Variants in EXOC2 observed in about 807,000 individuals in gnomAD.
The protein encoded by EXOC2 is SEC5-like 1.
EXOC2 carries 70 observed loss-of-function variants against 131.8 expected under a neutral mutation model. The observed-to-expected ratio is 0.53, with a 90% CI of 0.44 to 0.65. The LOEUF (loss-of-function observed/expected upper bound fraction) is 0.65, where lower values mean the gene tolerates loss of function less well. Ranked by LOEUF, EXOC2 falls within the 30% of genes least tolerant of loss-of-function variation. The probability of loss-of-function intolerance (pLI) is 0.00; values close to 1 mark genes in which losing one functional copy is unlikely to be tolerated. For synonymous variants in EXOC2, 411 were observed against 398.4 expected (o/e 1.03, Z -0.38); for missense variants, 923 against 1,108.6 (o/e 0.83, Z 2.38).
At chr6:657,080 C>CCGGTTG in intron 1 of EXOC2, 1 of 726,036 alleles carries the variant, frequency 1.4e-6, no homozygotes, top group East Asian at 3.1e-5. Flanking sequence ...ACTCGGGTTC[C>CCGGTTG]CGGTTGCGGT....
chr6:660,720 G>A (rs189270613), intron 1 of EXOC2, among the ~76,000 whole-genome samples: 6 of 152,066 alleles, frequency 3.9e-5, no homozygotes, highest in South Asian at 2.1e-4. Flanking sequence ...AACCAACCCC[G>A]GTAATATGAC....
At chr6:487,740 AG>A (rs1763161040) in intron 27 of EXOC2, among the ~76,000 whole-genome samples, 1 of 151,986 alleles carries the variant, frequency 6.6e-6, no homozygotes, top group African/African-American at 2.4e-5. Flanking sequence ...GAAGGATCTT[AG>A]AGTTTTCCTG....
intron 26 of EXOC2, among the ~76,000 whole-genome samples, chr6:489,687 G>C (rs928816538): frequency 2.0e-5 from 3 of 152,214 alleles, no homozygotes; most frequent in Admixed American, 1.3e-4. Flanking sequence ...GGAGACTGTG[G>C]TAATTAACTT....
intron 23 of EXOC2, among the ~76,000 whole-genome samples, chr6:503,723 C>T (rs1764360929): frequency 6.6e-6 from 1 of 152,114 alleles, no homozygotes; most frequent in South Asian, 2.1e-4. Context: ...GGCCTAGAGA[C>T]CAGATAGTGT....
intron 10 of EXOC2, among the ~76,000 whole-genome samples, chr6:595,204 G>C (rs1437933965): frequency 1.3e-5 from 2 of 152,022 alleles, no homozygotes; most frequent in African/African-American, 4.8e-5. Flanking sequence ...ATTGTGAACA[G>C]TAAGACAATA....
intron 11 of EXOC2, among the ~76,000 whole-genome samples, chr6:586,507 C>T (rs1411254945): frequency 1.3e-5 from 2 of 152,170 alleles, no homozygotes; most frequent in African/African-American, 4.8e-5. Flanking sequence ...TAATAGAATT[C>T]ACCTATGTAT....
intron 24 of EXOC2, 98 bp downstream of exon 24, chr6:499,547 G>A (rs938152699): frequency 8.8e-6 from 9 of 1,027,742 alleles, no homozygotes; most frequent in Non-Finnish European, 1.3e-5. Flanking sequence ...CATTCTGAGG[G>A]AAAAAAAAGA....
intron 13 of EXOC2, 32 bp from the exon 14 acceptor site, chr6:564,961 T>C: frequency 6.6e-7 from 1 of 1,517,554 alleles, no homozygotes. Flanking sequence ...ATAAAACATA[T>C]TAGAAATAAT....
intron 11 of EXOC2, among the ~76,000 whole-genome samples, chr6:586,816 A>G (rs1759235308): frequency 6.6e-6 from 1 of 152,078 alleles, no homozygotes; most frequent in Non-Finnish European, 1.5e-5. Flanking sequence ...CAGGATACGG[A>G]GGACGTGTCT....
At chr6:646,967 T>C (rs542319990) in intron 1 of EXOC2, among the ~76,000 whole-genome samples, 22 of 152,334 alleles carry the variant, frequency 1.4e-4, no homozygotes, top group South Asian at 1.2e-3. Context: ...GCTCCAAAGA[T>C]ACCAAAACAC....
chr6:670,661 A>G (rs9504698), intron 1 of EXOC2, among the ~76,000 whole-genome samples: 1,824 of 152,316 alleles, frequency 0.012, 47 homozygotes, highest in African/African-American at 0.041. Flanking sequence ...CATAGTGTCT[A>G]CACTGAAAAT....
intron 6 of EXOC2, among the ~76,000 whole-genome samples, chr6:612,216 T>G (rs1026555818): frequency 6.6e-6 from 1 of 152,230 alleles, no homozygotes; most frequent in Non-Finnish European, 1.5e-5. Flanking sequence ...TTAGGCTTTG[T>G]GGGCCACATA....
rs372242415 is a variant in EXOC2 at position 555,964 on chromosome 6, T to C, written c.1982A>G (p.Asn661Ser). ...GCTTTCTATTATTACCTGCATTATA[T>C]TGATGCTTAGCTGGCAAACCTCCTC... ...TQEEVCQLSI[N>S]IMQVFIYCLE... Residue 661 changes from asparagine to serine, a missense_variant, in exon 19 of 28, where the codon AAT becomes AGT. Transcript: ENST00000230449. 1.1e-5 allele frequency: 18 copies of C among 1,614,052 alleles called. No homozygotes were observed. In the African/African-American group the frequency reaches 1.3e-4, roughly 12 times the overall value.
chr6:487,849 A>T (rs1045339947), intron 27 of EXOC2, among the ~76,000 whole-genome samples: 2 of 152,218 alleles, frequency 1.3e-5, no homozygotes, highest in Non-Finnish European at 2.9e-5. Flanking sequence ...CTATCCCCAC[A>T]GCAAATCTAA....
intron 13 of EXOC2, among the ~76,000 whole-genome samples, chr6:566,807 T>C (rs1280699612): frequency 3.9e-5 from 6 of 152,204 alleles, no homozygotes; most frequent in Non-Finnish European, 8.8e-5. Context: ...GTGACCCATA[T>C]GTGAATATTG....
At position 538,708 on chromosome 6, in the gene EXOC2, GTGTAAAAGCAA is replaced by G. The variant is rs1228523840; in HGVS notation, c.2239-6109_2239-6099del. Among the ~76,000 whole-genome samples, 5 of 152,278 alleles carry G rather than the reference GTGTAAAAGCAA, an allele frequency of 3.3e-5. No homozygotes were observed. The East Asian group carries it at 9.6e-4, about 29-fold the overall frequency. Reference sequence around the variant, plus strand: ...CTCATGATTTTCCCACTTTACCAGGGTGTAAAAGCAATGCGCATTCAGTATGTTCCCTGGCT... The same window carrying G: ...CTCATGATTTTCCCACTTTACCAGGGTGCGCATTCAGTATGTTCCCTGGCT... On this transcript the variant is annotated intron_variant, in intron 22 of 27. Transcript: ENST00000230449.
At chr6:619,409 G>T in intron 5 of EXOC2, 21 bp downstream of exon 5, 2 of 1,575,536 alleles carry the variant, frequency 1.3e-6, no homozygotes, top group Non-Finnish European at 1.7e-6. Context: ...CTTCACAGTT[G>T]ACAGTCCCAT....
At chr6:658,033 A>G (rs1359835220) in intron 1 of EXOC2, among the ~76,000 whole-genome samples, 1 of 152,180 alleles carries the variant, frequency 6.6e-6, no homozygotes, top group Non-Finnish European at 1.5e-5. Flanking sequence ...TCATGCTTTC[A>G]AAGTCCTGTT....
chr6:496,247 G>A (rs1763731456), intron 25 of EXOC2, among the ~76,000 whole-genome samples: 1 of 152,142 alleles, frequency 6.6e-6, no homozygotes, highest in South Asian at 2.1e-4. Context: ...AGTTATTTGT[G>A]CATTTCAATT....
Sources: allele counts gnomAD v4.1 joint callset (sites outside exome capture counted in the v4.1 genomes callset), GRCh38; gene constraint gnomAD v4.1.1; transcripts MANE v1.5; gene names NCBI Gene and HGNC (gene_info 2026-07-23, HGNC 2026-07-21).